Variants in ABCA13 observed in about 807,000 individuals in gnomAD.
ABCA13 encodes the protein ATP-binding cassette sub-family A member 13.
ABCA13 carries 476 observed loss-of-function variants against 478.7 expected under a neutral mutation model. The observed-to-expected ratio is 0.99, with a 90% CI of 0.92 to 1.07. The LOEUF (loss-of-function observed/expected upper bound fraction) is 1.07. Among genes scored for constraint, ABCA13 ranks in the 50% least tolerant of loss-of-function variants. The pLI, the probability that ABCA13 is intolerant of heterozygous loss-of-function variation, is 0.00. For synonymous variants in ABCA13, 2,252 were observed against 2,158.9 expected, an observed-to-expected ratio of 1.04 and a Z score of -1.20; for missense variants, 6,060 against 5,910.6, an observed-to-expected ratio of 1.03 and a Z score of -0.83.
intron 15 of ABCA13, among the ~76,000 whole-genome samples, chr7:48,262,952 T>G (rs1347538945): frequency 6.6e-6 from 1 of 152,080 alleles, no homozygotes; most frequent in South Asian, 2.1e-4. Context: ...ATCATAAAAA[T>G]TTTTCATCAT....
intron 5 of ABCA13, among the ~76,000 whole-genome samples, chr7:48,226,552 T>C (rs1448746668): frequency 6.6e-6 from 1 of 152,204 alleles, no homozygotes; most frequent in Non-Finnish European, 1.5e-5. Context: ...GACTCACTTT[T>C]ATTGAAGAAA....
chr7:48,279,342 G>A lies in ABCA13; in HGVS notation c.8148G>A (p.Val2716=). The A allele has an allele frequency of 6.3e-7, 1 of 1,585,956 alleles. No individual in the cohort carries two copies. The highest frequency in any genetic ancestry group is 8.6e-7 in the Non-Finnish European group (1 of 1,163,838). Residue 2716 remains valine, a synonymous_variant, in exon 18 of 62, where the codon GTG becomes GTA. Transcript: ENST00000435803. ...QDIKWEIIHE[V]IPFLDKILSQ... ...TAAAATGGGAAATAATTCATGAAGT[G>A]ATCCCTTTTTTGGATAAAATATTAT...
chr7:48,455,052 G>A lies in ABCA13; in HGVS notation c.12581G>A (p.Arg4194Gln). The A allele has an allele frequency of 6.6e-7, 1 of 1,526,062 alleles. No homozygotes were observed. Among genetic ancestry groups the A allele is most frequent in the Non-Finnish European group, 8.8e-7 (1 of 1,137,840 alleles). 94.5% of individuals were successfully genotyped at this position (1,526,062 alleles called of 1,614,324 possible). The stretch of plus-strand genomic sequence containing the variant: ...CGTCCTGCAGGTGGCTCCCTAGCAC[G>A]GCCCGCAACTGTGCAGGGCGTCCAG... ...HLSGYCGSLA[R>Q]PATVQGVQLL... The change falls in exon 43 of 62, where the codon CGG (arginine) becomes CAG (glutamine). Residue 4194 changes from arginine (R) to glutamine (Q), a missense_variant. Physicochemically the swap from Arg to Gln is conservative, Grantham distance 43. Coordinates refer to ENST00000435803, the MANE Select transcript of ABCA13 (RefSeq NM_152701.5).
At chr7:48,532,027 A>C (rs1311115121) in intron 55 of ABCA13, among the ~76,000 whole-genome samples, 1 of 152,052 alleles carries the variant, frequency 6.6e-6, no homozygotes, top group African/African-American at 2.4e-5. Context: ...TAGGACTTCC[A>C]GTATTATGTT....
At chr7:48,491,615 A>T (rs1829848235) in intron 48 of ABCA13, among the ~76,000 whole-genome samples, 1 of 152,208 alleles carries the variant, frequency 6.6e-6, no homozygotes, top group Non-Finnish European at 1.5e-5. Context: ...ATAAATTCTA[A>T]TTTGACTTGT....
intron 41 of ABCA13, among the ~76,000 whole-genome samples, chr7:48,424,907 C>T (rs1821202488): frequency 1.3e-5 from 2 of 152,208 alleles, no homozygotes; most frequent in Admixed American, 1.3e-4. Context: ...GCTACTTTGA[C>T]ATTTTGTCAA....
chr7:48,328,175 G>A (rs1008004269), intron 27 of ABCA13, among the ~76,000 whole-genome samples: 2 of 152,158 alleles, frequency 1.3e-5, no homozygotes, highest in Non-Finnish European at 2.9e-5. Flanking sequence ...GTACGGGCTG[G>A]AAGTGCACAG....
chr7:48,295,866 A>G lies in ABCA13; in HGVS notation c.9119+3A>G, dbSNP rs1225942218. On this transcript the variant is annotated splice_donor_region_variant and intron_variant, in intron 21 of 61. Coordinates refer to ENST00000435803, the MANE Select transcript of ABCA13 (RefSeq NM_152701.5). Reference sequence around the variant, plus strand: ...ACGGTGCAGCAGCACTTGTACATGTATGCTCTGATATTCTTTCATGCCCTC... The same window carrying G: ...ACGGTGCAGCAGCACTTGTACATGTGTGCTCTGATATTCTTTCATGCCCTC... 2 of 1,597,100 alleles carry G rather than the reference A, an allele frequency of 1.3e-6. No individual in the cohort carries two copies. The highest frequency in any genetic ancestry group is 1.3e-5 in the African/African-American group (1 of 74,378).
At chr7:48,491,754 G>T (rs1262039286) in intron 48 of ABCA13, among the ~76,000 whole-genome samples, 1 of 152,178 alleles carries the variant, frequency 6.6e-6, no homozygotes, top group Non-Finnish European at 1.5e-5. Flanking sequence ...GCAGGGTTCT[G>T]ATGAAAATAT....
chr7:48,297,935 C>A (rs4265139), intron 22 of ABCA13, among the ~76,000 whole-genome samples: 1 of 144,364 alleles, frequency 6.9e-6, no homozygotes, highest in Non-Finnish European at 1.5e-5. Context: ...CCACCATGCC[C>A]GGCTATTTTT....
At chr7:48,598,231 T>C (rs1435399279) in intron 58 of ABCA13, among the ~76,000 whole-genome samples, 1 of 152,202 alleles carries the variant, frequency 6.6e-6, no homozygotes, top group African/African-American at 2.4e-5. Flanking sequence ...TTTCATTTAG[T>C]TTCTCCCATG....
chr7:48,529,306 C>T (rs932667547), intron 55 of ABCA13, among the ~76,000 whole-genome samples: 3 of 152,216 alleles, frequency 2.0e-5, no homozygotes, highest in African/African-American at 7.2e-5. Flanking sequence ...TAGCCAGTTT[C>T]TGGTGATTCT....
At chr7:48,393,882 G>A (rs2129058542) in intron 38 of ABCA13, among the ~76,000 whole-genome samples, 1 of 152,294 alleles carries the variant, frequency 6.6e-6, no homozygotes, top group East Asian at 1.9e-4. Context: ...GGTCACCCCT[G>A]CATCATGCCT....
At chr7:48,593,062 C>T (rs1349669745) in intron 57 of ABCA13, among the ~76,000 whole-genome samples, 1 of 151,968 alleles carries the variant, frequency 6.6e-6, no homozygotes, top group African/African-American at 2.4e-5. Context: ...TGTCTATTTA[C>T]ATTTAATGTA....
rs566997840 is a variant in ABCA13 at position 48,632,831 on chromosome 7, T to A, written c.14838-10457T>A. Among the ~76,000 whole-genome samples the A allele has an allele frequency of 3.3e-5, 5 of 152,256 alleles. No individual in the cohort carries two copies. The East Asian group carries it at 9.7e-4, about 29-fold the overall frequency. The stretch of plus-strand genomic sequence containing the variant: ...GGTGGATAGGATTTTCAAATCGTGT[T>A]TTCAATAAGTAGTGCTAGGAGAACT... On this transcript the variant is annotated intron_variant, in intron 59 of 61. Transcript: ENST00000435803.
At chr7:48,407,059 A>G (rs533627729) in intron 39 of ABCA13, among the ~76,000 whole-genome samples, 1 of 152,288 alleles carries the variant, frequency 6.6e-6, no homozygotes, top group East Asian at 1.9e-4. Context: ...GCTTCATTAA[A>G]GTATAATTGA....
At position 48,538,099 on chromosome 7, in the gene ABCA13, C is replaced by CT. The variant is rs1563409461; in HGVS notation, c.14354+9754_14354+9755insT. Among the ~76,000 whole-genome samples the CT allele has an allele frequency of 7.3e-3, 876 of 119,980 alleles. 17 individuals carry two copies. The highest frequency in any genetic ancestry group is 0.027 in the African/African-American group (807 of 30,180). 78.7% of individuals were successfully genotyped at this position (119,980 alleles called of 152,430 possible). A position where few individuals can be genotyped will look rare whatever the true frequency, so the allele number is the denominator to read the frequency against. ...ATCTTATTTTTTTCTTTCTTTCTTT[C>CT]CTTTTTTTTTTTTTTTTTTGAGGTG... On this transcript the variant is annotated intron_variant, in intron 55 of 61. Transcript: ENST00000435803.
chr7:48,281,136 C>T (rs910964997), intron 18 of ABCA13, among the ~76,000 whole-genome samples: 1 of 152,156 alleles, frequency 6.6e-6, no homozygotes, highest in African/African-American at 2.4e-5. Flanking sequence ...AAAATTGATG[C>T]TTTGAAATAA....
intron 1 of ABCA13, among the ~76,000 whole-genome samples, chr7:48,174,764 A>T (rs937751361): frequency 1.3e-5 from 2 of 152,216 alleles, no homozygotes; most frequent in African/African-American, 4.8e-5. Context: ...TTACGTAATT[A>T]AAGTCATAGC....
Sources: gnomAD v4.1 joint callset for allele counts (sites outside exome capture counted in the v4.1 genomes callset) on GRCh38, gnomAD v4.1.1 for gene constraint, MANE v1.5 for transcripts, NCBI Gene and HGNC (gene_info 2026-07-23, HGNC 2026-07-21) for gene names.